CCSER1: variants seen among roughly 807,000 people sequenced by gnomAD.
CCSER1 encodes the protein serine-rich coiled-coil domain-containing protein 1.
In CCSER1, 41 loss-of-function variants were observed where a neutral mutation model predicts 82.0. That is an observed-to-expected ratio of 0.50 (90% CI 0.39 to 0.65). The LOEUF (loss-of-function observed/expected upper bound fraction) is 0.65. CCSER1 is among the 30% of genes least tolerant of loss of function. The probability of loss-of-function intolerance (pLI) is 0.00; values close to 1 mark genes in which losing one functional copy is unlikely to be tolerated. For missense variants in CCSER1, 1,119 were observed against 1,064.2 expected (o/e 1.05, Z -0.72); for synonymous variants, 414 against 383.9 (o/e 1.08, Z -0.92).
chr4:90,213,694 C>T (rs180748411), intron 1 of CCSER1, among the ~76,000 whole-genome samples: 197 of 152,248 alleles, frequency 1.3e-3, no homozygotes, highest in Non-Finnish European at 2.4e-3. Flanking sequence ...TTGTACTCGA[C>T]GCCAAGTAAG....
chr4:91,396,976 C>A (rs1467125748), intron 10 of CCSER1, among the ~76,000 whole-genome samples: 1 of 151,996 alleles, frequency 6.6e-6, no homozygotes, highest in African/African-American at 2.4e-5. Context: ...AGCCCAAATG[C>A]AATTGCCCTC....
intron 4 of CCSER1, among the ~76,000 whole-genome samples, chr4:90,437,656 A>T (rs973889879): frequency 1.3e-5 from 2 of 152,282 alleles, no homozygotes; most frequent in East Asian, 3.9e-4. Context: ...ACCTACCAGA[A>T]CATACCAGAA....
intron 5 of CCSER1, among the ~76,000 whole-genome samples, chr4:90,497,848 T>C (rs185966898): frequency 0.012 from 1,778 of 152,282 alleles, 13 homozygotes; most frequent in South Asian, 0.022. Context: ...AGGTCTAGTA[T>C]ACCTGTCTCC....
intron 3 of CCSER1, among the ~76,000 whole-genome samples, chr4:90,334,553 C>A (rs1202019223): frequency 5.4e-5 from 8 of 147,448 alleles, no homozygotes; most frequent in Non-Finnish European, 4.5e-5. Context: ...ACTTTGCTGC[C>A]AAAAAAAAAA....
chr4:90,610,800 G>A (rs1427002283), intron 5 of CCSER1, among the ~76,000 whole-genome samples: 4 of 152,168 alleles, frequency 2.6e-5, no homozygotes, highest in African/African-American at 9.7e-5. Flanking sequence ...ACAGAAGGCA[G>A]ATCGACCTTT....
At chr4:91,290,322 C>T (rs1560569386) in intron 10 of CCSER1, among the ~76,000 whole-genome samples, 2 of 151,864 alleles carry the variant, frequency 1.3e-5, no homozygotes, top group Admixed American at 6.6e-5. Flanking sequence ...TAATTTATGA[C>T]ATGTTGTGAT....
chr4:91,404,504 A>C (rs1244120853), intron 10 of CCSER1, among the ~76,000 whole-genome samples: 1 of 152,140 alleles, frequency 6.6e-6, no homozygotes, highest in East Asian at 1.9e-4. Context: ...TCAATTTTAG[A>C]TCTTTCCTGC....
chr4:90,152,713 C>T (rs1201897607), intron 1 of CCSER1, among the ~76,000 whole-genome samples: 2 of 151,990 alleles, frequency 1.3e-5, no homozygotes, highest in Non-Finnish European at 2.9e-5. Flanking sequence ...TTGGAAATAA[C>T]ATCAAAAGAG....
At chr4:90,857,011 T>A (rs570113437) in intron 8 of CCSER1, among the ~76,000 whole-genome samples, 1 of 152,096 alleles carries the variant, frequency 6.6e-6, no homozygotes, top group South Asian at 2.1e-4. Flanking sequence ...ATGATAGGCA[T>A]GCTATCTTTT....
At chr4:91,576,145 C>G (rs554444641) in intron 10 of CCSER1, among the ~76,000 whole-genome samples, 2 of 151,958 alleles carry the variant, frequency 1.3e-5, no homozygotes, top group Non-Finnish European at 2.9e-5. Flanking sequence ...TGTGATCTAT[C>G]TATCTATCAA....
chr4:90,596,768 A>G (rs1783396329), intron 5 of CCSER1, among the ~76,000 whole-genome samples: 1 of 151,960 alleles, frequency 6.6e-6, no homozygotes, highest in Non-Finnish European at 1.5e-5. Flanking sequence ...TATGTAATTT[A>G]AATGATTAAA....
At chr4:90,571,281 T>C (rs1046247338) in intron 5 of CCSER1, among the ~76,000 whole-genome samples, 1 of 152,172 alleles carries the variant, frequency 6.6e-6, no homozygotes, top group Non-Finnish European at 1.5e-5. Context: ...CCTTCACTCA[T>C]ATGTTTATTG....
At chr4:91,444,182 A>C (rs1434492635) in intron 10 of CCSER1, among the ~76,000 whole-genome samples, 1 of 152,148 alleles carries the variant, frequency 6.6e-6, no homozygotes, top group African/African-American at 2.4e-5. Flanking sequence ...CTTTTCTGTC[A>C]CTAGAGTTAA....
chr4:90,326,734 T>A (rs565682491), intron 3 of CCSER1, among the ~76,000 whole-genome samples: 1 of 152,154 alleles, frequency 6.6e-6, no homozygotes, highest in Non-Finnish European at 1.5e-5. Context: ...TCAAGAGAGA[T>A]AGGTGCAGTA....
intron 8 of CCSER1, among the ~76,000 whole-genome samples, chr4:90,859,014 G>T (rs1052441919): frequency 1.3e-5 from 2 of 151,864 alleles, no homozygotes; most frequent in South Asian, 2.1e-4. Context: ...GCACCTACTT[G>T]ACATTTATGT....
chr4:90,667,061 G>A (rs564470404), intron 6 of CCSER1, among the ~76,000 whole-genome samples: 6 of 152,288 alleles, frequency 3.9e-5, no homozygotes, highest in African/African-American at 1.4e-4. Flanking sequence ...GAGAGTGGTA[G>A]AGTTAACACC....
At chr4:91,472,473 A>G (rs1374790579) in intron 10 of CCSER1, among the ~76,000 whole-genome samples, 6 of 152,222 alleles carry the variant, frequency 3.9e-5, no homozygotes, top group Non-Finnish European at 7.3e-5. Context: ...ACTGAGAAGT[A>G]TGCAAGCATT....
intron 7 of CCSER1, among the ~76,000 whole-genome samples, chr4:90,786,310 C>A (rs953142919): frequency 6.6e-6 from 1 of 152,164 alleles, no homozygotes; most frequent in Non-Finnish European, 1.5e-5. Flanking sequence ...AAATGAAGAT[C>A]TTCAGTTGTT....
At chr4:91,494,694 C>A (rs1758714230) in intron 10 of CCSER1, among the ~76,000 whole-genome samples, 2 of 151,576 alleles carry the variant, frequency 1.3e-5, no homozygotes, top group Non-Finnish European at 3.0e-5. Context: ...GGTTTATTTT[C>A]TTTTGTAGTA....
Sources: gnomAD v4.1 joint callset for allele counts (sites outside exome capture counted in the v4.1 genomes callset) on GRCh38, gnomAD v4.1.1 for gene constraint, MANE v1.5 for transcripts, NCBI Gene and HGNC (gene_info 2026-07-23, HGNC 2026-07-21) for gene names.